The following SIM1 variants were observed in gnomAD, a reference collection of about 807,000 sequenced individuals.
SIM1 encodes the protein SIM bHLH transcription factor 1, also known as single-minded homolog 1.
SIM1 carries 18 observed loss-of-function variants against 78.2 expected under a neutral mutation model. The ratio of observed to expected loss-of-function variants is 0.23; its 90% CI spans 0.16 to 0.34. SIM1 has a LOEUF of 0.34. Ranked by LOEUF, SIM1 falls within the 10% of genes least tolerant of loss-of-function variation. SIM1 has a pLI of 1.00. For missense variants in SIM1, 939 were observed against 975.1 expected (o/e 0.96, Z 0.49); for synonymous variants, 417 against 385.2 (o/e 1.08, Z -0.97).
intron 10 of SIM1, among the ~76,000 whole-genome samples, chr6:100,419,031 G>A (rs563021650): frequency 6.6e-6 from 1 of 152,018 alleles, no homozygotes; most frequent in African/African-American, 2.4e-5. Flanking sequence ...GACGGGCGTG[G>A]TGGCAGTGCC....
At chr6:100,460,194 C>G (rs1306388154) in intron 2 of SIM1, among the ~76,000 whole-genome samples, 1 of 151,264 alleles carries the variant, frequency 6.6e-6, no homozygotes, top group Non-Finnish European at 1.5e-5. Flanking sequence ...TCTAGTCAGG[C>G]AAATAAAAGC....
In SIM1 at chr6:100,432,956, G is replaced by A. The variant is rs115101889; in HGVS notation, c.999-11998C>T. 6.6e-3 allele frequency among the ~76,000 whole-genome samples: 1,006 copies of A among 152,106 alleles called. 12 individuals are homozygous for A. The highest frequency in any genetic ancestry group is 0.023 in the African/African-American group (960 of 41,466). On this transcript the variant is annotated intron_variant, in intron 9 of 11. Coordinates refer to ENST00000369208, the MANE Select transcript of SIM1 (RefSeq NM_005068.3). ...CAAGTTGCTCAGGCTAAAAAATCTA[G>A]GTGTTGTTCTTGACTCCTTTCATCT...
chr6:100,417,589 A>T (rs936513238), intron 10 of SIM1, among the ~76,000 whole-genome samples: 7 of 152,204 alleles, frequency 4.6e-5, no homozygotes, highest in African/African-American at 1.4e-4. Context: ...TTTAAAAAAA[A>T]TTTTGAGAAT....
intron 10 of SIM1, among the ~76,000 whole-genome samples, chr6:100,408,770 A>G (rs376235830): frequency 2.6e-5 from 4 of 152,110 alleles, no homozygotes; most frequent in African/African-American, 9.7e-5. Context: ...CCACTTGATC[A>G]TGGTGTATGA....
At chr6:100,408,072 G>A (rs1308512703) in intron 10 of SIM1, among the ~76,000 whole-genome samples, 1 of 152,010 alleles carries the variant, frequency 6.6e-6, no homozygotes, top group Non-Finnish European at 1.5e-5. Flanking sequence ...ATGTCAAGGA[G>A]CTTTTTCCCT....
At chr6:100,398,013 CCAATTGCTGG>C (rs2114470246) in intron 10 of SIM1, among the ~76,000 whole-genome samples, 1 of 152,118 alleles carries the variant, frequency 6.6e-6, no homozygotes, top group African/African-American at 2.4e-5. Context: ...AATGACAACA[CCAATTGCTGG>C]CAAAGATGTA....
chr6:100,428,053 T>C (rs1170743759), intron 9 of SIM1, among the ~76,000 whole-genome samples: 2 of 152,220 alleles, frequency 1.3e-5, no homozygotes, highest in African/African-American at 4.8e-5. Flanking sequence ...AGATACCTAC[T>C]AAGTAAGTGA....
At chr6:100,448,987 C>A (rs1370763394) in intron 6 of SIM1, among the ~76,000 whole-genome samples, 2 of 152,184 alleles carry the variant, frequency 1.3e-5, no homozygotes, top group African/African-American at 4.8e-5. Flanking sequence ...CAACGTGAGA[C>A]CCATAGCTTC....
At position 100,391,066 on chromosome 6, in the gene SIM1, A is replaced by G; in HGVS notation, c.1596T>C (p.Ser532=). Residue 532 remains serine, a synonymous_variant, in exon 12 of 12, where the codon AGT becomes AGC. Coordinates refer to ENST00000369208, the MANE Select transcript of SIM1 (RefSeq NM_005068.3). ...ACCCAGGGTCTGGAGAACTGACCACACTATCTTCATCCCAATGACCTCGCC... is the reference window on the plus strand; with the variant it reads ...ACCCAGGGTCTGGAGAACTGACCACGCTATCTTCATCCCAATGACCTCGCC... ...IHGRGHWDED[S]VVSSPDPGSA... 3 of 1,609,852 alleles carry G rather than the reference A, an allele frequency of 1.9e-6. No homozygotes were observed. The South Asian group carries it at 3.3e-5, about 18-fold the overall frequency.
intron 10 of SIM1, among the ~76,000 whole-genome samples, chr6:100,401,844 A>G (rs1457915857): frequency 6.6e-6 from 1 of 152,240 alleles, no homozygotes; most frequent in Admixed American, 6.5e-5. Flanking sequence ...TAATAAAGCT[A>G]TAATTTAATC....
At chr6:100,395,938 C>T (rs2114466973) in intron 10 of SIM1, 1 of 196,638 alleles carries the variant, frequency 5.1e-6, no homozygotes, top group Non-Finnish European at 9.2e-6. Flanking sequence ...TAATTATTTT[C>T]CACCTACACA....
Position 100,386,298 on chromosome 6 carries a change from A to C in SIM1, c.*4063T>G, listed in dbSNP as rs1770514630. 1 of 152,004 alleles carries C rather than the reference A, an allele frequency of 6.6e-6. No homozygotes were observed. Among genetic ancestry groups the C allele is most frequent in the South Asian group, 2.1e-4 (1 of 4,820 alleles). The allele number at this position is 152,004 out of a possible 1,614,324, so 9.4% of individuals were successfully genotyped here. ...ACTAGGCCAGGTGAGTGACCCCAAA[A>C]TGGTCAAATGCTCAATTTTCCAAAT... On this transcript the variant is annotated 3_prime_UTR_variant, in exon 12 of 12. Transcript: ENST00000369208.
chr6:100,449,741 GC>G, intron 4 of SIM1, 42 bp from the exon 5 acceptor site: 1 of 1,514,244 alleles, frequency 6.6e-7, no homozygotes. Context: ...GCGGTGGAAT[GC>G]CCGGTGAAGG....
At position 100,449,467 on chromosome 6, in the gene SIM1, G is replaced by A. The variant is rs754109375; in HGVS notation, c.458-19C>T. 1 of 1,608,582 alleles carries A rather than the reference G, an allele frequency of 6.2e-7. No homozygotes were observed. Among genetic ancestry groups the A allele is most frequent in the South Asian group, 1.1e-5 (1 of 90,922 alleles). Reference sequence around the variant, plus strand: ...TCATACTCTGGGAGAGAGGAACGAAGGGAAGCTCAGGTCGTGTGACACCGG... The same window carrying A: ...TCATACTCTGGGAGAGAGGAACGAAAGGAAGCTCAGGTCGTGTGACACCGG... On this transcript the variant is annotated intron_variant, in intron 5 of 11. Transcript: ENST00000369208.
At chr6:100,445,798 T>C (rs1362209775) in intron 9 of SIM1, among the ~76,000 whole-genome samples, 1 of 152,206 alleles carries the variant, frequency 6.6e-6, no homozygotes, top group Admixed American at 6.5e-5. Context: ...CCGTTTCCTT[T>C]CCATGGTAAG....
Position 100,450,348 on chromosome 6 carries a change from A to G in SIM1, c.267T>C (p.Asp89=). ...ELGSHLLQTL[D]GFIFVVAPDG... is the part of the protein sequence containing the mutation. ...CTGGGGCTACCACGAAGATGAAGCC[A>G]TCCAGGGTCTGGGGAGGCACAAATA... The change falls in exon 4 of 12, where the codon GAT becomes GAC. Residue 89 remains aspartate, a synonymous_variant. Coordinates refer to ENST00000369208, the MANE Select transcript of SIM1 (RefSeq NM_005068.3). 1 of 1,614,028 alleles carries G rather than the reference A, an allele frequency of 6.2e-7. No individual in the cohort carries two copies. Among genetic ancestry groups the G allele is most frequent in the East Asian group, 2.2e-5 (1 of 44,886 alleles).
At chr6:100,429,278 G>T (rs1008156318) in intron 9 of SIM1, among the ~76,000 whole-genome samples, 1 of 151,792 alleles carries the variant, frequency 6.6e-6, no homozygotes, top group African/African-American at 2.4e-5. Context: ...GCTGAGGCAG[G>T]AGAATCGCTT....
chr6:100,440,776 A>G (rs1000426733), intron 9 of SIM1, among the ~76,000 whole-genome samples: 6 of 152,204 alleles, frequency 3.9e-5, no homozygotes, highest in African/African-American at 1.4e-4. Context: ...TAAGCCAAGA[A>G]CAGAGAAGGA....
rs1408591143 is a variant in SIM1 at position 100,447,289 on chromosome 6, A to G, written c.977T>C (p.Val326Ala). The G allele has an allele frequency of 1.2e-6, 2 of 1,614,088 alleles. No homozygotes were observed. The highest frequency in any genetic ancestry group is 1.7e-5 in the Admixed American group (1 of 60,012). The change falls in exon 9 of 12, where the codon GTC becomes GCC. Residue 326 changes from valine (V) to alanine (A), a missense_variant. Coordinates refer to ENST00000369208, the MANE Select transcript of SIM1 (RefSeq NM_005068.3). Reference sequence around the variant, plus strand: ...TCACGTGAGGACATAGTTGACGCTGACGATACAGTGTGGCCTGGAGGAGCG... The same window carrying G: ...TCACGTGAGGACATAGTTGACGCTGGCGATACAGTGTGGCCTGGAGGAGCG... ...NSRSSRPHCI[V>A]SVNYVLTDTE... is the part of the protein sequence containing the mutation.
Sources: allele counts gnomAD v4.1 joint callset (sites outside exome capture counted in the v4.1 genomes callset), GRCh38; gene constraint gnomAD v4.1.1; transcripts MANE v1.5; gene names NCBI Gene and HGNC (gene_info 2026-07-23, HGNC 2026-07-21).